ADAMTS18: variants seen among roughly 807,000 people sequenced by gnomAD.
The protein encoded by ADAMTS18 is A disintegrin and metalloproteinase with thrombospondin motifs 18.
A neutral mutation model predicts 165.9 loss-of-function variants in ADAMTS18; 157 were observed. That is an observed-to-expected ratio of 0.95 (90% CI 0.83 to 1.08). The LOEUF (loss-of-function observed/expected upper bound fraction) is 1.08, where lower values mean the gene tolerates loss of function less well. Among genes scored for constraint, ADAMTS18 ranks in the 50% least tolerant of loss-of-function variants. ADAMTS18 has a pLI of 0.00. For missense variants in ADAMTS18, 2,040 were observed against 1,534.0 expected (o/e 1.33, Z -5.51); for synonymous variants, 782 against 578.2 (o/e 1.35, Z -5.06).
At position 77,423,735 on chromosome 16, in the gene ADAMTS18, C is replaced by G. The variant is rs541724914; in HGVS notation, c.495+7560G>C. 1.1e-4 allele frequency among the ~76,000 whole-genome samples: 16 copies of G among 152,142 alleles called. No individual in the cohort carries two copies. The South Asian group carries it at 3.3e-3, about 32-fold the overall frequency. On this transcript the variant is annotated intron_variant, in intron 3 of 22. Coordinates refer to ENST00000282849, the MANE Select transcript of ADAMTS18 (RefSeq NM_199355.4). The stretch of plus-strand genomic sequence containing the variant: ...TTGATACTCCTCTTTGATTCTTTTT[C>G]TCTCATTTTATGTCTTCAGTTTATA...
chr16:77,286,930 C>G (rs953188751), intron 22 of ADAMTS18, among the ~76,000 whole-genome samples: 2 of 152,052 alleles, frequency 1.3e-5, no homozygotes, highest in Admixed American at 6.6e-5. Context: ...GGAGATCCAA[C>G]CAAGATACCC....
chr16:77,402,737 T>C (rs1016542619), intron 3 of ADAMTS18, among the ~76,000 whole-genome samples: 1 of 152,242 alleles, frequency 6.6e-6, no homozygotes, highest in African/African-American at 2.4e-5. Flanking sequence ...TGAGCACTGT[T>C]GGCCTCCAAA....
intron 17 of ADAMTS18, among the ~76,000 whole-genome samples, chr16:77,299,543 C>T (rs936497476): frequency 6.6e-6 from 1 of 152,162 alleles, no homozygotes; most frequent in Non-Finnish European, 1.5e-5. Context: ...TCACTGTCAC[C>T]AGGTGCTCTG....
chr16:77,293,626 T>C (rs1443777478), intron 19 of ADAMTS18, among the ~76,000 whole-genome samples: 1 of 151,690 alleles, frequency 6.6e-6, no homozygotes, highest in African/African-American at 2.4e-5. Context: ...CCCTAACGTA[T>C]CAGTCTCCAA....
chr16:77,300,648 T>G lies in ADAMTS18; in HGVS notation c.2533-244A>C, dbSNP rs1477986457. Among the ~76,000 whole-genome samples the G allele has an allele frequency of 3.3e-5, 5 of 152,134 alleles. No individual in the cohort carries two copies. In the South Asian group the frequency reaches 1.0e-3, roughly 32 times the overall value. On this transcript the variant is annotated intron_variant, in intron 16 of 22. Transcript: ENST00000282849. ...CTAAAGAGCAAAACACGATTGACAT[T>G]TGCCATAAGCCCATAACGTATACAC... is the stretch of plus-strand genomic sequence containing the variant.
intron 3 of ADAMTS18, among the ~76,000 whole-genome samples, chr16:77,382,931 C>T (rs552800403): frequency 2.9e-4 from 44 of 152,306 alleles, no homozygotes; most frequent in African/African-American, 1.0e-3. Context: ...GAAGATCCTA[C>T]CTCATATCCA....
chr16:77,411,485 G>C (rs57339751), intron 3 of ADAMTS18, among the ~76,000 whole-genome samples: 1 of 151,952 alleles, frequency 6.6e-6, no homozygotes, highest in African/African-American at 2.4e-5. Context: ...TTATTTTGGA[G>C]TTCATACACT....
Position 77,383,345 on chromosome 16 carries a change from T to A in ADAMTS18, c.496-15622A>T, listed in dbSNP as rs1289182704. ...AGCCCCGTCCAATCCAAATGCAGCATCTAGTAGCTTCTCTAGCATCTTCTA... is the reference window on the plus strand; with the variant it reads ...AGCCCCGTCCAATCCAAATGCAGCAACTAGTAGCTTCTCTAGCATCTTCTA... On this transcript the variant is annotated intron_variant, in intron 3 of 22. Coordinates refer to ENST00000282849, the MANE Select transcript of ADAMTS18 (RefSeq NM_199355.4). Among the ~76,000 whole-genome samples, 3 of 152,280 alleles carry A rather than the reference T, an allele frequency of 2.0e-5. No homozygotes were observed. In the East Asian group the frequency reaches 5.8e-4, roughly 29 times the overall value.
At chr16:77,366,976 C>G (rs77779325) in intron 4 of ADAMTS18, among the ~76,000 whole-genome samples, 2 of 152,054 alleles carry the variant, frequency 1.3e-5, no homozygotes, top group African/African-American at 4.8e-5. Context: ...CATCGCTGGT[C>G]TGGAAACGGC....
intron 3 of ADAMTS18, among the ~76,000 whole-genome samples, chr16:77,427,949 C>T (rs2057694216): frequency 6.6e-6 from 1 of 152,212 alleles, no homozygotes; most frequent in South Asian, 2.1e-4. Flanking sequence ...ACTATTATAA[C>T]CATTCTACCA....
At chr16:77,411,323 C>T (rs988006129) in intron 3 of ADAMTS18, among the ~76,000 whole-genome samples, 5 of 152,200 alleles carry the variant, frequency 3.3e-5, no homozygotes, top group Admixed American at 2.6e-4. Context: ...AAAGAACATG[C>T]TGGAGTCAGT....
At chr16:77,356,503 T>G (rs533133231) in intron 8 of ADAMTS18, among the ~76,000 whole-genome samples, 2 of 152,304 alleles carry the variant, frequency 1.3e-5, no homozygotes, top group South Asian at 4.1e-4. Context: ...AGATGATGAT[T>G]ATAAGTTGTT....
chr16:77,349,488 T>A (rs569848604), intron 10 of ADAMTS18, among the ~76,000 whole-genome samples: 1 of 149,364 alleles, frequency 6.7e-6, no homozygotes, highest in East Asian at 2.0e-4. Flanking sequence ...TTTCACTGCA[T>A]TTTTCCTCTG....
chr16:77,423,435 T>A (rs2057629876), intron 3 of ADAMTS18, among the ~76,000 whole-genome samples: 1 of 152,170 alleles, frequency 6.6e-6, no homozygotes, highest in Non-Finnish European at 1.5e-5. Flanking sequence ...TGCCAGGTAA[T>A]GACATCGGTT....
intron 12 of ADAMTS18, among the ~76,000 whole-genome samples, chr16:77,332,162 TGC>T (rs2056199865): frequency 6.6e-6 from 1 of 152,194 alleles, no homozygotes; most frequent in Non-Finnish European, 1.5e-5. Context: ...AGGGTCAGGA[TGC>T]AGAAATGGTC....
chr16:77,292,299 T>C (rs2055378950), intron 20 of ADAMTS18, among the ~76,000 whole-genome samples: 1 of 152,086 alleles, frequency 6.6e-6, no homozygotes, highest in Non-Finnish European at 1.5e-5. Flanking sequence ...GTCTCAAAAA[T>C]AAAAAATTTA....
intron 19 of ADAMTS18, among the ~76,000 whole-genome samples, chr16:77,294,219 G>A (rs1454836778): frequency 6.6e-6 from 1 of 152,096 alleles, no homozygotes; most frequent in Non-Finnish European, 1.5e-5. Flanking sequence ...AAGCTGTAGG[G>A]AAGGGCTTCT....
At chr16:77,329,422 G>A (rs924879671) in intron 12 of ADAMTS18, among the ~76,000 whole-genome samples, 1 of 152,110 alleles carries the variant, frequency 6.6e-6, no homozygotes, top group African/African-American at 2.4e-5. Context: ...TTTAAATACA[G>A]TATTCTCTGC....
chr16:77,406,031 T>C (rs902594086), intron 3 of ADAMTS18, among the ~76,000 whole-genome samples: 2 of 152,310 alleles, frequency 1.3e-5, no homozygotes, highest in South Asian at 2.1e-4. Context: ...TTTATGAAGG[T>C]AGTCTAACTT....
Sources: allele counts gnomAD v4.1 joint callset (sites outside exome capture counted in the v4.1 genomes callset), GRCh38; gene constraint gnomAD v4.1.1; transcripts MANE v1.5; gene names NCBI Gene and HGNC (gene_info 2026-07-23, HGNC 2026-07-21).